COBL: variants seen among roughly 807,000 people sequenced by gnomAD.
The protein encoded by COBL is cordon-bleu WH2 repeat protein, also known as protein cordon-bleu.
In COBL, 51 loss-of-function variants were observed where a neutral mutation model predicts 98.8. The observed-to-expected ratio is 0.52, with a 90% CI of 0.41 to 0.65. The LOEUF (loss-of-function observed/expected upper bound fraction) is 0.65, where lower values mean the gene tolerates loss of function less well. Among genes scored for constraint, COBL ranks in the 30% least tolerant of loss-of-function variants. The pLI is 0.00. For synonymous variants in COBL, 634 were observed against 651.7 expected, an observed-to-expected ratio of 0.97 and a Z score of 0.41; for missense variants, 1,617 against 1,617.5, an observed-to-expected ratio of 1.00 and a Z score of 0.01.
intron 6 of COBL, among the ~76,000 whole-genome samples, chr7:51,093,921 A>G (rs934687083): frequency 3.3e-5 from 5 of 151,694 alleles, no homozygotes; most frequent in Non-Finnish European, 7.4e-5. Flanking sequence ...AAGTATAGTC[A>G]AGATATAGAA....
chr7:51,308,149 A>G (rs1802663259), intron 1 of COBL, among the ~76,000 whole-genome samples: 1 of 152,240 alleles, frequency 6.6e-6, no homozygotes, highest in East Asian at 1.9e-4. Context: ...CCTCCAGCCT[A>G]ACAGTTTGTG....
chr7:51,017,411 C>T lies in COBL; in HGVS notation c.*140G>A, dbSNP rs900501591. ...TTTCAAGCCGTTATACAGGAACACA[C>T]CGAAAATCAACTGTGCGCATTTGGC... On this transcript the variant is annotated 3_prime_UTR_variant, in exon 13 of 13. Transcript: ENST00000265136. The T allele has an allele frequency of 6.5e-5, 50 of 774,958 alleles. No individual in the cohort carries two copies. The African/African-American group carries it at 1.0e-3, about 16-fold the overall frequency. 48.0% of individuals were successfully genotyped at this position (774,958 alleles called of 1,614,324 possible).
intron 1 of COBL, among the ~76,000 whole-genome samples, chr7:51,290,646 T>C (rs915423421): frequency 2.6e-5 from 4 of 152,012 alleles, no homozygotes; most frequent in African/African-American, 9.7e-5. Context: ...CCTGACTTTC[T>C]CTCCAGCTTC....
chr7:51,269,670 G>T (rs1015080062), intron 1 of COBL, among the ~76,000 whole-genome samples: 1 of 152,250 alleles, frequency 6.6e-6, no homozygotes, highest in Non-Finnish European at 1.5e-5. Context: ...CAGCCACTTG[G>T]TTTCACCATA....
At chr7:51,293,117 A>C (rs1211572725) in intron 1 of COBL, among the ~76,000 whole-genome samples, 1 of 152,248 alleles carries the variant, frequency 6.6e-6, no homozygotes, top group Non-Finnish European at 1.5e-5. Flanking sequence ...ATTACTTTGG[A>C]AAACAGCCTG....
intron 6 of COBL, among the ~76,000 whole-genome samples, chr7:51,116,607 A>T (rs1261910128): frequency 1.3e-5 from 2 of 152,146 alleles, no homozygotes; most frequent in African/African-American, 4.8e-5. Context: ...GAAAGAAATT[A>T]AGAGAAAAAA....
chr7:51,128,173 C>T (rs188780484), intron 6 of COBL, among the ~76,000 whole-genome samples: 8 of 152,318 alleles, frequency 5.3e-5, no homozygotes, highest in African/African-American at 1.9e-4. Context: ...GCTCTAAACC[C>T]AGATTTACTT....
rs1262437475 is a variant in COBL, at chr7:51,316,639, CG to C, written c.-7del. 1.7e-6 allele frequency: 2 copies of C among 1,197,528 alleles called. No homozygotes were observed. Among genetic ancestry groups the C allele is most frequent in the Non-Finnish European group, 2.1e-6 (2 of 965,824 alleles). 74.2% of individuals were successfully genotyped at this position (1,197,528 alleles called of 1,614,324 possible). A position where few individuals can be genotyped will look rare whatever the true frequency, so the allele number is the denominator to read the frequency against. On this transcript the variant is annotated 5_prime_UTR_variant, in exon 1 of 13. Coordinates refer to ENST00000265136, the MANE Select transcript of COBL (RefSeq NM_015198.5). ...GAGGCGCGCGGCGCGTCCATGGTGC[CG>C]GGGGCCGGGACGCGGGCGGTGCTCC... is the stretch of plus-strand genomic sequence containing the variant.
At chr7:51,269,847 G>T (rs763812076) in intron 1 of COBL, among the ~76,000 whole-genome samples, 1 of 152,184 alleles carries the variant, frequency 6.6e-6, no homozygotes, top group East Asian at 1.9e-4. Context: ...GACAAGAGGT[G>T]CTCTGTCTCC....
Position 51,016,580 on chromosome 7 carries a change from A to C in COBL, c.*971T>G, listed in dbSNP as rs73351835. 0.011 allele frequency: 2,108 copies of C among 198,090 alleles called. 46 individuals are homozygous for C. The highest frequency in any genetic ancestry group is 0.042 in the African/African-American group (1,846 of 43,620). The allele number at this position is 198,090 out of a possible 1,614,324, so 12.3% of individuals were successfully genotyped here. The stretch of plus-strand genomic sequence containing the variant: ...CCACGATATCATACAAAGGGAGCCA[A>C]TGAGCTGTTGGACAAACGCGTCAAG... On this transcript the variant is annotated 3_prime_UTR_variant, in exon 13 of 13. Coordinates refer to ENST00000265136, the MANE Select transcript of COBL (RefSeq NM_015198.5).
chr7:51,157,069 G>C (rs879935404), intron 5 of COBL, among the ~76,000 whole-genome samples: 2 of 152,130 alleles, frequency 1.3e-5, no homozygotes, highest in Non-Finnish European at 2.9e-5. Flanking sequence ...TCAAATCAGA[G>C]TTTTAACAAG....
chr7:51,166,613 A>G (rs897596291), intron 5 of COBL, among the ~76,000 whole-genome samples: 2 of 152,126 alleles, frequency 1.3e-5, no homozygotes, highest in African/African-American at 4.8e-5. Flanking sequence ...TGAGGCCAGT[A>G]TTACCCTGAT....
chr7:51,298,180 G>A (rs1318180808), intron 1 of COBL, among the ~76,000 whole-genome samples: 2 of 152,218 alleles, frequency 1.3e-5, no homozygotes, highest in Non-Finnish European at 2.9e-5. Flanking sequence ...ATGGCAAAGA[G>A]CTGAGGCATC....
At chr7:51,067,312 T>C (rs1280628146) in intron 7 of COBL, among the ~76,000 whole-genome samples, 3 of 152,254 alleles carry the variant, frequency 2.0e-5, no homozygotes, top group Non-Finnish European at 4.4e-5. Context: ...TGCATGAATA[T>C]ATACAAACAT....
At chr7:51,174,630 C>T (rs941408485) in intron 5 of COBL, among the ~76,000 whole-genome samples, 2 of 152,118 alleles carry the variant, frequency 1.3e-5, no homozygotes, top group African/African-American at 4.8e-5. Context: ...CCATAAAATG[C>T]CACACACTGG....
At chr7:51,072,058 T>G (rs2128924253) in intron 7 of COBL, 1 of 152,368 alleles carries the variant, frequency 6.6e-6, no homozygotes, top group East Asian at 1.9e-4. Flanking sequence ...CAATGTAAGT[T>G]GTGATAATTC....
intron 5 of COBL, among the ~76,000 whole-genome samples, chr7:51,137,213 G>C (rs970989954): frequency 6.6e-6 from 1 of 152,136 alleles, no homozygotes; most frequent in Non-Finnish European, 1.5e-5. Context: ...GCAGTATAGG[G>C]GTTAAGCCCA....
chr7:51,036,375 T>TTTGCA (rs1273557204), intron 8 of COBL, among the ~76,000 whole-genome samples: 1 of 150,296 alleles, frequency 6.7e-6, no homozygotes, highest in Non-Finnish European at 1.5e-5. Context: ...AAGCATAGTA[T>TTTGCA]TTGCATATAA....
intron 1 of COBL, among the ~76,000 whole-genome samples, chr7:51,261,371 G>A (rs1363362355): frequency 6.6e-6 from 1 of 152,180 alleles, no homozygotes; most frequent in Non-Finnish European, 1.5e-5. Flanking sequence ...AGAGTTGCAG[G>A]GAGACCTCAC....
Sources: allele counts gnomAD v4.1 joint callset (sites outside exome capture counted in the v4.1 genomes callset), GRCh38; gene constraint gnomAD v4.1.1; transcripts MANE v1.5; gene names NCBI Gene and HGNC (gene_info 2026-07-23, HGNC 2026-07-21).